PPM1H: variants seen among roughly 807,000 people sequenced by gnomAD.
PPM1H encodes protein phosphatase 1H.
A neutral mutation model predicts 54.9 loss-of-function variants in PPM1H; 27 were observed. The ratio of observed to expected loss-of-function variants is 0.49; its 90% CI spans 0.36 to 0.68. The LOEUF is 0.68. PPM1H is among the 30% of genes least tolerant of loss of function. PPM1H has a pLI of 0.00. For missense variants in PPM1H, 596 were observed against 667.8 expected, an observed-to-expected ratio of 0.89 and a Z score of 1.19; for synonymous variants, 305 against 270.8, an observed-to-expected ratio of 1.13 and a Z score of -1.24.
chr12:62,830,429 G>C (rs1014405555), intron 2 of PPM1H, among the ~76,000 whole-genome samples: 2 of 152,002 alleles, frequency 1.3e-5, no homozygotes, highest in African/African-American at 4.8e-5. Flanking sequence ...CTAATTTTTT[G>C]TATTTTTAGT....
intron 6 of PPM1H, among the ~76,000 whole-genome samples, chr12:62,718,762 T>C (rs1429669387): frequency 6.6e-6 from 1 of 152,238 alleles, no homozygotes; most frequent in Non-Finnish European, 1.5e-5. Context: ...AAGTGCTGAT[T>C]TTGCTAACTA....
At chr12:62,732,228 C>A (rs931858193) in intron 5 of PPM1H, among the ~76,000 whole-genome samples, 1 of 152,172 alleles carries the variant, frequency 6.6e-6, no homozygotes, top group Non-Finnish European at 1.5e-5. Flanking sequence ...CAATTAATCA[C>A]CCTGCCTGAG....
intron 1 of PPM1H, among the ~76,000 whole-genome samples, chr12:62,878,401 A>G (rs1870258244): frequency 6.6e-6 from 1 of 152,004 alleles, no homozygotes; most frequent in African/African-American, 2.4e-5. Flanking sequence ...GAAATAATAC[A>G]CCATGGTTTG....
chr12:62,647,892 G>C lies in PPM1H; in HGVS notation c.*597C>G, dbSNP rs959723150. 8.4e-5 allele frequency: 10 copies of C among 118,404 alleles called. No individual in the cohort carries two copies. The highest frequency in any genetic ancestry group is 3.7e-4 in the African/African-American group (10 of 26,986). 7.3% of individuals were successfully genotyped at this position (118,404 alleles called of 1,614,324 possible). ...GAAGGGGAATAAAAAACAGATTCAA[G>C]GAATGTCAAAAACACGAAAAAAAAA... is the stretch of plus-strand genomic sequence containing the variant. On this transcript the variant is annotated 3_prime_UTR_variant, in exon 10 of 10. Transcript: ENST00000228705.
intron 1 of PPM1H, among the ~76,000 whole-genome samples, chr12:62,926,988 T>C (rs1163648387): frequency 6.6e-6 from 1 of 152,216 alleles, no homozygotes; most frequent in African/African-American, 2.4e-5. Flanking sequence ...GATATTTAAA[T>C]GGCTAATAAA....
At chr12:62,669,969 CTTTTTTTTT>C (rs1161094944) in intron 8 of PPM1H, among the ~76,000 whole-genome samples, 10 of 46,424 alleles carry the variant, frequency 2.2e-4, no homozygotes, top group South Asian at 2.6e-3. Flanking sequence ...GGATTGATTC[CTTTTTTTTT>C]TTTTTTTTTT....
Position 62,849,096 on chromosome 12 carries a change from G to T in PPM1H, c.246-16817C>A, listed in dbSNP as rs1488011115. 2.0e-5 allele frequency among the ~76,000 whole-genome samples: 3 copies of T among 152,234 alleles called. No homozygotes were observed. In the East Asian group the frequency reaches 5.8e-4, roughly 29 times the overall value. On this transcript the variant is annotated intron_variant, in intron 1 of 9. Transcript: ENST00000228705. ...AAATGGTAACAGAGGGTGGGAGAGGGCAGGGGACACACAGGAAGCTTGTTT... is the reference window on the plus strand; with the variant it reads ...AAATGGTAACAGAGGGTGGGAGAGGTCAGGGGACACACAGGAAGCTTGTTT...
chr12:62,751,911 T>C (rs540561404), intron 4 of PPM1H, among the ~76,000 whole-genome samples: 5 of 152,356 alleles, frequency 3.3e-5, no homozygotes, highest in South Asian at 2.1e-4. Context: ...TTATATGGGC[T>C]AGATGCTGCA....
At chr12:62,796,044 TTA>T (rs2076732236) in intron 3 of PPM1H, among the ~76,000 whole-genome samples, 1 of 152,206 alleles carries the variant, frequency 6.6e-6, no homozygotes, top group Admixed American at 6.5e-5. Context: ...ATCTTATGTT[TTA>T]CTTCCTCAGT....
At chr12:62,725,745 C>A (rs1473639161) in intron 5 of PPM1H, among the ~76,000 whole-genome samples, 2 of 152,010 alleles carry the variant, frequency 1.3e-5, no homozygotes, top group African/African-American at 2.4e-5. Flanking sequence ...AGGTGTCTGC[C>A]CTTTTGATGT....
chr12:62,869,243 G>A (rs1485646187), intron 1 of PPM1H, among the ~76,000 whole-genome samples: 4 of 152,192 alleles, frequency 2.6e-5, no homozygotes, highest in African/African-American at 7.2e-5. Flanking sequence ...ATTTATTTAT[G>A]TATTACAAAT....
chr12:62,812,672 T>C (rs1430892025), intron 2 of PPM1H, among the ~76,000 whole-genome samples: 3 of 151,846 alleles, frequency 2.0e-5, no homozygotes, highest in Non-Finnish European at 2.9e-5. Context: ...TCAGTTTCTC[T>C]TTTAGACTTT....
chr12:62,882,836 A>C (rs1444785520), intron 1 of PPM1H, among the ~76,000 whole-genome samples: 2 of 152,182 alleles, frequency 1.3e-5, no homozygotes, highest in African/African-American at 4.8e-5. Context: ...ACTGTCTCAC[A>C]TATACCCCCA....
At chr12:62,916,530 G>T (rs1455128928) in intron 1 of PPM1H, among the ~76,000 whole-genome samples, 1 of 152,016 alleles carries the variant, frequency 6.6e-6, no homozygotes, top group Admixed American at 6.6e-5. Context: ...TGCAAAACTG[G>T]CTTTACTGAT....
At chr12:62,658,686 G>A in intron 9 of PPM1H, 1 of 309,590 alleles carries the variant, frequency 3.2e-6, no homozygotes, top group Non-Finnish European at 6.2e-6. Flanking sequence ...CAGGATGTTA[G>A]CGCAATGCAT....
chr12:62,732,106 G>C (rs1002530952), intron 5 of PPM1H, among the ~76,000 whole-genome samples: 1 of 152,120 alleles, frequency 6.6e-6, no homozygotes. Context: ...GGTTAGTCAC[G>C]ACTGCAGATC....
At position 62,801,888 on chromosome 12, in the gene PPM1H, G is replaced by A. The variant is rs1296071807; in HGVS notation, c.684C>T (p.Arg228=). Residue 228 remains arginine (R), a synonymous_variant, in exon 3 of 10, where the codon CGC becomes CGT. Coordinates refer to ENST00000228705, the MANE Select transcript of PPM1H (RefSeq NM_020700.2). ...GGGGAATCTTCTTCTCGGTAAAGAA[G>A]CGTGTGGGGGGCGTGCTGGGGGAGC... ...APGSPSTPPT[R]FFTEKKIPHE... The A allele has an allele frequency of 6.2e-6, 10 of 1,613,756 alleles. No homozygotes were observed. The highest frequency in any genetic ancestry group is 8.5e-6 in the Non-Finnish European group (10 of 1,179,808).
intron 1 of PPM1H, among the ~76,000 whole-genome samples, chr12:62,927,773 A>G (rs1473605558): frequency 6.6e-6 from 1 of 152,106 alleles, no homozygotes; most frequent in Admixed American, 6.6e-5. Context: ...TAAACATATG[A>G]TCAGCTTTTA....
At chr12:62,863,032 T>C (rs1156353313) in intron 1 of PPM1H, among the ~76,000 whole-genome samples, 3 of 152,216 alleles carry the variant, frequency 2.0e-5, no homozygotes, top group Non-Finnish European at 4.4e-5. Flanking sequence ...TTGTTTGTTT[T>C]TGTTTTTAGA....
Sources: allele counts gnomAD v4.1 joint callset (sites outside exome capture counted in the v4.1 genomes callset), GRCh38; gene constraint gnomAD v4.1.1; transcripts MANE v1.5; gene names NCBI Gene and HGNC (gene_info 2026-07-23, HGNC 2026-07-21).